The following MCC variants were observed in gnomAD, a reference collection of about 807,000 sequenced individuals.
The protein encoded by MCC is colorectal mutant cancer protein.
MCC carries 90 observed loss-of-function variants against 116.2 expected under a neutral mutation model. The observed-to-expected ratio is 0.77, with a 90% CI of 0.65 to 0.92. MCC has a LOEUF of 0.92. MCC is among the 40% of genes least tolerant of loss of function. The pLI, the probability that MCC is intolerant of heterozygous loss-of-function variation, is 0.00. For missense variants in MCC, 1,516 were observed against 1,312.2 expected (o/e 1.16, Z -2.40); for synonymous variants, 578 against 510.5 (o/e 1.13, Z -1.78).
intron 3 of MCC, among the ~76,000 whole-genome samples, chr5:113,265,925 T>C (rs1765401238): frequency 6.6e-6 from 1 of 151,594 alleles, no homozygotes; most frequent in Non-Finnish European, 1.5e-5. Context: ...GAGATCTGAA[T>C]AGACAATACC....
chr5:113,431,493 T>C (rs963107983), intron 1 of MCC, among the ~76,000 whole-genome samples: 3 of 152,120 alleles, frequency 2.0e-5, no homozygotes, highest in Non-Finnish European at 4.4e-5. Context: ...AATGACTCTA[T>C]TTCCAAGCAA....
At chr5:113,122,156 C>T (rs779497188) in intron 6 of MCC, among the ~76,000 whole-genome samples, 4 of 152,222 alleles carry the variant, frequency 2.6e-5, no homozygotes, top group Non-Finnish European at 5.9e-5. Context: ...GATATTTACA[C>T]ATGGATATTT....
chr5:113,062,263 G>C (rs1466464865), intron 14 of MCC, among the ~76,000 whole-genome samples: 1 of 152,160 alleles, frequency 6.6e-6, no homozygotes, highest in Non-Finnish European at 1.5e-5. Flanking sequence ...AGAAAAACAG[G>C]ATCCCAAATT....
At chr5:113,301,426 T>C (rs1015961306) in intron 3 of MCC, among the ~76,000 whole-genome samples, 1 of 151,290 alleles carries the variant, frequency 6.6e-6, no homozygotes, top group African/African-American at 2.4e-5. Flanking sequence ...GATCACGCCA[T>C]TGCACCCCAG....
At chr5:113,342,262 C>T (rs1768036616) in intron 2 of MCC, among the ~76,000 whole-genome samples, 1 of 152,098 alleles carries the variant, frequency 6.6e-6, no homozygotes, top group African/African-American at 2.4e-5. Flanking sequence ...TGGTCTGGTT[C>T]CATATTTTTG....
intron 17 of MCC, among the ~76,000 whole-genome samples, chr5:113,035,916 G>A (rs983146515): frequency 4.0e-5 from 6 of 151,552 alleles, no homozygotes; most frequent in Non-Finnish European, 5.9e-5. Flanking sequence ...GCAGATAACA[G>A]CTGTCTCTAA....
At chr5:113,485,816 A>T (rs940151286) in intron 1 of MCC, among the ~76,000 whole-genome samples, 1 of 152,238 alleles carries the variant, frequency 6.6e-6, no homozygotes, top group African/African-American at 2.4e-5. Context: ...CTGAAATTCT[A>T]ACAGATACAG....
chr5:113,033,723 A>C (rs1751122007), intron 17 of MCC, among the ~76,000 whole-genome samples: 1 of 152,206 alleles, frequency 6.6e-6, no homozygotes, highest in African/African-American at 2.4e-5. Flanking sequence ...TGGCACTCAC[A>C]AATATACCCC....
chr5:113,222,034 T>C (rs1763570056), intron 3 of MCC, among the ~76,000 whole-genome samples: 1 of 152,250 alleles, frequency 6.6e-6, no homozygotes, highest in East Asian at 1.9e-4. Flanking sequence ...ATTAAGATGC[T>C]GGCTGTAGGT....
Position 113,027,415 on chromosome 5 carries a change from G to C in MCC, c.2947C>G (p.Gln983Glu), listed in dbSNP as rs1750629166. ...TGTCTCTCCACCATGGCCATCATCTGCGACTCTAACTTCTTCAGTTTGTTT... is the reference window on the plus strand; with the variant it reads ...TGTCTCTCCACCATGGCCATCATCTCCGACTCTAACTTCTTCAGTTTGTTT... Reference protein sequence around the residue: ...HQNKLKKLESQMMAMVERHET... With the variant: ...HQNKLKKLESEMMAMVERHET... Residue 983 changes from glutamine (Q) to glutamate (E), a missense_variant, in exon 19 of 19, where the codon CAG (glutamine) becomes GAG (glutamate). By Grantham distance (29) the Gln-to-Glu change is conservative (BLOSUM62 2). Transcript: ENST00000408903. 2 of 1,614,194 alleles carry C rather than the reference G, an allele frequency of 1.2e-6. No individual in the cohort carries two copies. The highest frequency in any genetic ancestry group is 1.7e-6 in the Non-Finnish European group (2 of 1,180,046).
At chr5:113,102,532 G>A (rs957881959) in intron 7 of MCC, among the ~76,000 whole-genome samples, 2 of 152,206 alleles carry the variant, frequency 1.3e-5, no homozygotes, top group Admixed American at 1.3e-4. Flanking sequence ...ACAGAAAAGA[G>A]GAAGCTCATT....
intron 3 of MCC, among the ~76,000 whole-genome samples, chr5:113,249,270 T>A (rs1307287891): frequency 6.6e-6 from 1 of 152,098 alleles, no homozygotes; most frequent in Non-Finnish European, 1.5e-5. Flanking sequence ...CCATTCTCCT[T>A]GAAAGATGCC....
At chr5:113,071,387 T>A (rs1282631772) in intron 11 of MCC, among the ~76,000 whole-genome samples, 153 bp from the exon 12 acceptor site, 3 of 152,188 alleles carry the variant, frequency 2.0e-5, no homozygotes, top group African/African-American at 7.2e-5. Flanking sequence ...GAAGCAACTC[T>A]ACATAAAAGT....
chr5:113,429,551 G>A (rs1038763763), intron 1 of MCC, among the ~76,000 whole-genome samples: 41 of 152,268 alleles, frequency 2.7e-4, no homozygotes, highest in Admixed American at 1.0e-3. Context: ...CAGATGCCTC[G>A]CTTGTTTTCC....
At chr5:113,410,988 TC>T (rs200818224) in intron 1 of MCC, among the ~76,000 whole-genome samples, 4,346 of 152,320 alleles carry the variant, frequency 0.029, 76 homozygotes, top group Non-Finnish European at 0.044. Context: ...TGCCACATTT[TC>T]TTAATCCAGT....
chr5:113,101,251 T>C (rs1181890193), intron 8 of MCC, among the ~76,000 whole-genome samples: 1 of 152,018 alleles, frequency 6.6e-6, no homozygotes, highest in Non-Finnish European at 1.5e-5. Flanking sequence ...GTACAAGATA[T>C]GGCTATTTTA....
intron 3 of MCC, among the ~76,000 whole-genome samples, chr5:113,196,790 A>G (rs1762434847): frequency 6.6e-6 from 1 of 152,216 alleles, no homozygotes; most frequent in Admixed American, 6.5e-5. Flanking sequence ...CAGAGGTTTC[A>G]GTGAGCCAAG....
chr5:113,158,952 T>C (rs994016910), intron 3 of MCC, among the ~76,000 whole-genome samples: 8 of 151,828 alleles, frequency 5.3e-5, no homozygotes, highest in African/African-American at 1.9e-4. Context: ...GAGGGGTGGA[T>C]GTGGGGCGGG....
At chr5:113,188,231 A>T (rs76948361) in intron 3 of MCC, among the ~76,000 whole-genome samples, 8,465 of 152,312 alleles carry the variant, frequency 0.056, 276 homozygotes, top group African/African-American at 0.069. Flanking sequence ...TCTATTACAA[A>T]TTCATCACAA....
Sources: gnomAD v4.1 joint callset for allele counts (sites outside exome capture counted in the v4.1 genomes callset) on GRCh38, gnomAD v4.1.1 for gene constraint, MANE v1.5 for transcripts, NCBI Gene and HGNC (gene_info 2026-07-23, HGNC 2026-07-21) for gene names.